The following ADAMTS17 variants were observed in gnomAD, a reference collection of about 807,000 sequenced individuals.
ADAMTS17 encodes the protein ADAM metallopeptidase with thrombospondin type 1 motif 17.
In ADAMTS17, 113 loss-of-function variants were observed where a neutral mutation model predicts 141.5. That is an observed-to-expected ratio of 0.80 (90% CI 0.69 to 0.93). The LOEUF is 0.93. ADAMTS17 is among the 40% of genes least tolerant of loss of function. The pLI, the probability that ADAMTS17 is intolerant of heterozygous loss-of-function variation, is 0.00. For synonymous variants in ADAMTS17, 768 were observed against 630.6 expected (o/e 1.22, Z -3.27); for missense variants, 1,659 against 1,517.9 (o/e 1.09, Z -1.54).
chr15:100,006,800 T>A (rs1235600182), intron 18 of ADAMTS17, among the ~76,000 whole-genome samples: 1 of 152,202 alleles, frequency 6.6e-6, no homozygotes, highest in Non-Finnish European at 1.5e-5. Context: ...CTGTATGTGA[T>A]TCTCTGAGCA....
intron 8 of ADAMTS17, among the ~76,000 whole-genome samples, chr15:100,191,635 G>A (rs1275980494): frequency 1.3e-5 from 2 of 152,258 alleles, no homozygotes; most frequent in Non-Finnish European, 2.9e-5. Flanking sequence ...AGGACTGTGA[G>A]AATTGCTGCA....
intron 8 of ADAMTS17, among the ~76,000 whole-genome samples, chr15:100,161,727 A>C (rs2039700967): frequency 6.6e-6 from 1 of 152,232 alleles, no homozygotes; most frequent in Non-Finnish European, 1.5e-5. Flanking sequence ...TGAGCTACTC[A>C]GAAATGCTAC....
intron 8 of ADAMTS17, among the ~76,000 whole-genome samples, chr15:100,193,965 T>A (rs1008557458): frequency 6.6e-6 from 1 of 152,202 alleles, no homozygotes; most frequent in Non-Finnish European, 1.5e-5. Context: ...TTGGGCCGGC[T>A]CCCAGGGCCA....
At chr15:100,105,341 ACT>A (rs1165725060) in intron 14 of ADAMTS17, among the ~76,000 whole-genome samples, 3 of 152,118 alleles carry the variant, frequency 2.0e-5, no homozygotes, top group Non-Finnish European at 4.4e-5. Flanking sequence ...CACCCTGGTG[ACT>A]CTACTTGGTT....
chr15:100,011,843 G>A (rs1009917438), intron 18 of ADAMTS17, among the ~76,000 whole-genome samples: 1 of 152,230 alleles, frequency 6.6e-6, no homozygotes, highest in Non-Finnish European at 1.5e-5. Flanking sequence ...ATTGTGAATT[G>A]TGCTGCTACA....
chr15:100,265,343 G>A (rs1271039097), intron 4 of ADAMTS17, among the ~76,000 whole-genome samples: 1 of 152,232 alleles, frequency 6.6e-6, no homozygotes, highest in Non-Finnish European at 1.5e-5. Flanking sequence ...ATGCTCAGGA[G>A]AAGTCTTGGA....
chr15:100,144,550 G>A (rs868760190), intron 10 of ADAMTS17, among the ~76,000 whole-genome samples: 18 of 144,788 alleles, frequency 1.2e-4, no homozygotes, highest in African/African-American at 3.8e-4. Flanking sequence ...ACTCCATCTC[G>A]AAAAAAAAAA....
At position 100,179,264 on chromosome 15, in the gene ADAMTS17, C is replaced by T. The variant is rs565046448; in HGVS notation, c.1181+20054G>A. 3.0e-4 allele frequency among the ~76,000 whole-genome samples: 46 copies of T among 152,188 alleles called. 1 individual carries two copies. Among genetic ancestry groups the T allele is most frequent in the Non-Finnish European group, 5.4e-4 (37 of 68,012 alleles). ...TTAGCCTCTGGTAACCATCATTCTACTCTCTATGAGTTCAATTGTTTTAAT... is the reference window on the plus strand; with the variant it reads ...TTAGCCTCTGGTAACCATCATTCTATTCTCTATGAGTTCAATTGTTTTAAT... On this transcript the variant is annotated intron_variant, in intron 8 of 21. Coordinates refer to ENST00000268070, the MANE Select transcript of ADAMTS17 (RefSeq NM_139057.4).
intron 5 of ADAMTS17, 76 bp from the exon 6 acceptor site, chr15:100,261,712 C>T (rs1424714988): frequency 1.9e-5 from 29 of 1,515,378 alleles, no homozygotes; most frequent in Admixed American, 1.5e-4. Context: ...ATGACAAGGA[C>T]GTTAAGGTGG....
Position 100,036,108 on chromosome 15 carries a change from C to T in ADAMTS17, c.2591+12749G>A, listed in dbSNP as rs550823951. On this transcript the variant is annotated intron_variant, in intron 18 of 21. Coordinates refer to ENST00000268070, the MANE Select transcript of ADAMTS17 (RefSeq NM_139057.4). ...GAGGCTGCAAAGATGATGGCTGGCC[C>T]AGGGAGAAGCAGTAGGGCTTCTTTG... 5.9e-5 allele frequency among the ~76,000 whole-genome samples: 9 copies of T among 152,288 alleles called. No individual in the cohort carries two copies. The East Asian group carries it at 1.7e-3, about 29-fold the overall frequency.
chr15:100,141,130 G>A (rs1189746506), intron 10 of ADAMTS17, among the ~76,000 whole-genome samples: 2 of 152,330 alleles, frequency 1.3e-5, no homozygotes, highest in East Asian at 1.9e-4. Flanking sequence ...CACTGGCTAC[G>A]CTTACGGTTT....
At chr15:100,286,121 A>G (rs1280380001) in intron 3 of ADAMTS17, among the ~76,000 whole-genome samples, 1 of 152,102 alleles carries the variant, frequency 6.6e-6, no homozygotes, top group Non-Finnish European at 1.5e-5. Context: ...CCAGCCCACA[A>G]GCAGCCTCTC....
intron 14 of ADAMTS17, among the ~76,000 whole-genome samples, chr15:100,103,756 G>C (rs945998000): frequency 6.6e-6 from 1 of 151,872 alleles, no homozygotes; most frequent in African/African-American, 2.4e-5. Context: ...TTGTATTTTT[G>C]GTAGAGACGG....
In ADAMTS17 at chr15:100,044,511, G is replaced by A. The variant is rs1406037636; in HGVS notation, c.2591+4346C>T. On this transcript the variant is annotated intron_variant, in intron 18 of 21. Coordinates refer to ENST00000268070, the MANE Select transcript of ADAMTS17 (RefSeq NM_139057.4). ...TTTTTAGTCCTAAAACTGTGTTTTT[G>A]TAGAGTATATCTTTGTTGCTTCTAA... is the stretch of plus-strand genomic sequence containing the variant. 2.6e-5 allele frequency among the ~76,000 whole-genome samples: 4 copies of A among 152,188 alleles called. No homozygotes were observed. The East Asian group carries it at 7.7e-4, about 29-fold the overall frequency.
At chr15:99,992,571 C>G (rs1431070714) in intron 20 of ADAMTS17, among the ~76,000 whole-genome samples, 2 of 152,184 alleles carry the variant, frequency 1.3e-5, no homozygotes, top group Non-Finnish European at 2.9e-5. Context: ...GGAGTGCTGA[C>G]CCGGCGGTTC....
intron 15 of ADAMTS17, among the ~76,000 whole-genome samples, chr15:100,091,422 T>G: frequency 6.6e-6 from 1 of 152,154 alleles, no homozygotes; most frequent in Non-Finnish European, 1.5e-5. Flanking sequence ...ATGATTTGGT[T>G]TCATGAGGAA....
intron 18 of ADAMTS17, among the ~76,000 whole-genome samples, chr15:100,025,987 A>C (rs940527654): frequency 1.3e-5 from 2 of 152,186 alleles, no homozygotes; most frequent in Non-Finnish European, 2.9e-5. Context: ...GCTTGATGAA[A>C]TTTTCACAAA....
intron 3 of ADAMTS17, among the ~76,000 whole-genome samples, chr15:100,292,349 A>ACTCACCCCGTGTGAAATTACGAGAGATG (rs1476595625): frequency 1.4e-5 from 2 of 146,026 alleles, no homozygotes; most frequent in African/African-American, 5.1e-5. Context: ...TACGAGAGAC[A>ACTCACCCCGTGTGAAATTACGAGAGATG]CTCACCCCGT....
intron 10 of ADAMTS17, among the ~76,000 whole-genome samples, chr15:100,151,354 C>G (rs529127990): frequency 6.6e-6 from 1 of 152,342 alleles, no homozygotes; most frequent in African/African-American, 2.4e-5. Flanking sequence ...AATGCTCCAA[C>G]TGCAGGTTGT....
Sources: allele counts gnomAD v4.1 joint callset (sites outside exome capture counted in the v4.1 genomes callset), GRCh38; gene constraint gnomAD v4.1.1; transcripts MANE v1.5; gene names NCBI Gene and HGNC (gene_info 2026-07-23, HGNC 2026-07-21).